The following KCNQ2 variants were observed in gnomAD, a reference collection of about 807,000 sequenced individuals.
KCNQ2 encodes potassium voltage-gated channel subfamily Q member 2.
Under a neutral mutation model 84.8 loss-of-function variants are expected in KCNQ2, and 14 were observed. That is an observed-to-expected ratio of 0.17 (90% confidence interval 0.11 to 0.26). The LOEUF (loss-of-function observed/expected upper bound fraction) is 0.26. Among genes scored for constraint, KCNQ2 ranks in the 10% least tolerant of loss-of-function variants. The pLI is 1.00. For synonymous variants in KCNQ2, 599 were observed against 554.1 expected (o/e 1.08, Z -1.14); for missense variants, 788 against 1,254.0 (o/e 0.63, Z 5.61).
At chr20:63,453,049 C>G (rs938342908) in intron 1 of KCNQ2, among the ~76,000 whole-genome samples, 1 of 152,174 alleles carries the variant, frequency 6.6e-6, no homozygotes, top group East Asian at 1.9e-4. Context: ...GCCTGCCCCA[C>G]GCTGCACCCC....
chr20:63,435,057 GGGGGC>G (rs1278589021), intron 7 of KCNQ2, among the ~76,000 whole-genome samples: 4 of 152,128 alleles, frequency 2.6e-5, no homozygotes, highest in Admixed American at 1.3e-4. Context: ...TACCAGCAGG[GGGGGC>G]GGTGTCCACA....
intron 1 of KCNQ2, among the ~76,000 whole-genome samples, chr20:63,458,602 G>C (rs1600841567): frequency 6.6e-6 from 1 of 152,212 alleles, no homozygotes; most frequent in East Asian, 1.9e-4. Flanking sequence ...AGGGCCCTGA[G>C]CCTGACCGAG....
At chr20:63,441,839 C>A (rs972786011) in intron 5 of KCNQ2, among the ~76,000 whole-genome samples, 7 of 152,372 alleles carry the variant, frequency 4.6e-5, no homozygotes, top group Middle Eastern at 3.4e-3. Context: ...GCCTTCCCCG[C>A]AGGGCTGAGC....
rs1434473510 is a variant in KCNQ2 at position 63,443,206 on chromosome 20, CCACCACCACCATGAT to C, written c.691-690_691-676del. Among the ~76,000 whole-genome samples the C allele has an allele frequency of 8.6e-4, 99 of 115,782 alleles. 3 individuals carry two copies. The highest frequency in any genetic ancestry group is 2.8e-4 in the Non-Finnish European group (15 of 54,514). The allele number at this position is 115,782 out of a possible 152,430, so 76.0% of individuals were successfully genotyped here. A position where few individuals can be genotyped will look rare whatever the true frequency, so the allele number is the denominator to read the frequency against. On this transcript the variant is annotated intron_variant, in intron 4 of 16. Transcript: ENST00000359125. The stretch of plus-strand genomic sequence containing the variant: ...ACCATCACCACCACCACCACCATCA[CCACCACCACCATGAT>C]CACCACCATCACCATCACCACCATC...
chr20:63,406,200 G>A lies in KCNQ2; in HGVS notation c.*444C>T, dbSNP rs1041190953. On this transcript the variant is annotated 3_prime_UTR_variant, in exon 17 of 17. Transcript: ENST00000359125. ...GGAAACCCCACCGGGACCCAAGGCC[G>A]CAGGTCCTCACCAAACAGGCCCGCC... is the stretch of plus-strand genomic sequence containing the variant. 1.9e-4 allele frequency: 32 copies of A among 165,178 alleles called. No individual in the cohort carries two copies. The highest frequency in any genetic ancestry group is 3.0e-3 in the Middle Eastern group (1 of 332). 10.2% of individuals were successfully genotyped at this position (165,178 alleles called of 1,614,324 possible).
intron 15 of KCNQ2, chr20:63,410,990 G>T (rs879108038): frequency 2.0e-5 from 9 of 456,246 alleles, no homozygotes; most frequent in South Asian, 1.4e-4. Context: ...GAAGGCCTTG[G>T]AAAGTCTGAG....
At chr20:63,431,287 CACAGAACTAGA>C (rs1406144406) in intron 9 of KCNQ2, 42 bp downstream of exon 9, 12 of 1,602,076 alleles carry the variant, frequency 7.5e-6, no homozygotes, top group Middle Eastern at 1.6e-4. Flanking sequence ...CAGTTCCAGA[CACAGAACTAGA>C]ACCACACACA....
intron 12 of KCNQ2, 25 bp from the exon 13 acceptor site, chr20:63,415,151 A>AGACAGACG (rs2145558325): frequency 6.3e-7 from 1 of 1,575,046 alleles, no homozygotes; most frequent in South Asian, 1.1e-5. Flanking sequence ...ACCGACAGAC[A>AGACAGACG]GACAGAAAAA....
At chr20:63,456,549 G>A (rs555879509) in intron 1 of KCNQ2, among the ~76,000 whole-genome samples, 1 of 152,314 alleles carries the variant, frequency 6.6e-6, no homozygotes, top group South Asian at 2.1e-4. Context: ...CTCAGCCCCT[G>A]CCTCAGACAG....
chr20:63,411,799 C>G, intron 15 of KCNQ2: 1 of 661,330 alleles, frequency 1.5e-6, no homozygotes, highest in Non-Finnish European at 2.8e-6. Flanking sequence ...GGGTGACTCT[C>G]TCGGAGGGGC....
In KCNQ2 at chr20:63,407,762, G is replaced by A. The variant is rs1443591594; in HGVS notation, c.1888-387C>T. Reference sequence around the variant, plus strand: ...GGGACCTGGGTTGCTCCCTGGAGAGGTACAGGGAGGGGGGATCCCTGCTCC... The same window carrying A: ...GGGACCTGGGTTGCTCCCTGGAGAGATACAGGGAGGGGGGATCCCTGCTCC... On this transcript the variant is annotated intron_variant, in intron 16 of 16. Transcript: ENST00000359125. The surrounding 1 kb of genome is among the most constrained non-coding windows in gnomAD (Gnocchi z 7.2). Among the ~76,000 whole-genome samples, 1 of 151,836 alleles carries A rather than the reference G, an allele frequency of 6.6e-6. No individual in the cohort carries two copies. The highest frequency in any genetic ancestry group is 1.5e-5 in the Non-Finnish European group (1 of 67,876).
At chr20:63,413,006 C>T (rs547805121) in intron 15 of KCNQ2, among the ~76,000 whole-genome samples, 2 of 152,304 alleles carry the variant, frequency 1.3e-5, no homozygotes, top group African/African-American at 4.8e-5. Context: ...GGGAACCCTG[C>T]AGCTTCATGT....
At chr20:63,436,970 G>A (rs145983979) in intron 7 of KCNQ2, among the ~76,000 whole-genome samples, 11 of 151,966 alleles carry the variant, frequency 7.2e-5, no homozygotes, top group African/African-American at 2.7e-4. Context: ...GTAGAGATGG[G>A]GTTTCACCAT....
At chr20:63,428,760 G>A (rs11697604) in intron 9 of KCNQ2, among the ~76,000 whole-genome samples, 1 of 152,138 alleles carries the variant, frequency 6.6e-6, no homozygotes. Flanking sequence ...AGGGCGCGCA[G>A]GTAGGGGGAG....
chr20:63,443,153 CCGGCGCCACCACCATCA>C (rs2081282404), intron 4 of KCNQ2, among the ~76,000 whole-genome samples: 2 of 87,074 alleles, frequency 2.3e-5, no homozygotes, highest in Non-Finnish European at 4.8e-5. Flanking sequence ...ACCACCATCA[CCGGCGCCACCACCATCA>C]CATCACCATC....
In KCNQ2 at chr20:63,402,511, G is replaced by A. The variant is rs2079831374; in HGVS notation, c.*4133C>T. 1 of 152,404 alleles carries A rather than the reference G, an allele frequency of 6.6e-6. No individual in the cohort carries two copies. The highest frequency in any genetic ancestry group is 1.5e-5 in the Non-Finnish European group (1 of 68,190). The allele number at this position is 152,404 out of a possible 1,614,324, so 9.4% of individuals were successfully genotyped here. On this transcript the variant is annotated 3_prime_UTR_variant, in exon 17 of 17. Coordinates refer to ENST00000359125, the MANE Select transcript of KCNQ2 (RefSeq NM_172107.4). The stretch of plus-strand genomic sequence containing the variant: ...GAGAGAAGGGGGTGTCCTTTATGGG[G>A]GTCCCTGACTGTGGGGGACCGAGCC...
intron 1 of KCNQ2, among the ~76,000 whole-genome samples, chr20:63,449,832 C>T (rs959102243): frequency 6.6e-6 from 1 of 151,868 alleles, no homozygotes; most frequent in Non-Finnish European, 1.5e-5. Context: ...GGCACAAACC[C>T]GGGGCCCCCA....
rs1354588158 is a variant in KCNQ2 at position 63,446,527 on chromosome 20, AG to A, written c.387+219del. ...TGTCAGCCACTGTGAGGTCACCAGG[AG>A]GGGTGAGGTGAGGGCTGAGTTACAG... On this transcript the variant is annotated intron_variant, in intron 2 of 16. Transcript: ENST00000359125. This position sits in a 1 kb window ranked among gnomAD's most constrained non-coding sequence, Gnocchi z 5.5. Among the ~76,000 whole-genome samples the A allele has an allele frequency of 6.6e-6, 1 of 151,836 alleles. No individual in the cohort carries two copies. The highest frequency in any genetic ancestry group is 1.5e-5 in the Non-Finnish European group (1 of 67,932).
At chr20:63,448,361 C>T (rs927089201) in intron 1 of KCNQ2, 6 of 152,310 alleles carry the variant, frequency 3.9e-5, no homozygotes, top group Non-Finnish European at 8.8e-5. Flanking sequence ...TCACCTTGAC[C>T]GTGTTGCTGC....
Sources: allele counts gnomAD v4.1 joint callset (sites outside exome capture counted in the v4.1 genomes callset), GRCh38; gene constraint gnomAD v4.1.1; non-coding constraint Gnocchi (gnomAD v3.1); transcripts MANE v1.5; gene names NCBI Gene and HGNC (gene_info 2026-07-23, HGNC 2026-07-21).